GP6: variants seen among roughly 807,000 people sequenced by gnomAD.
GP6 encodes glycoprotein VI platelet.
A neutral mutation model predicts 37.3 loss-of-function variants in GP6; 45 were observed. The ratio of observed to expected loss-of-function variants is 1.21; its 90% CI spans 0.95 to 1.55. GP6 has a LOEUF of 1.55. GP6 is among the 40% of genes most tolerant of loss of function. GP6 has a pLI of 0.00. For missense variants in GP6, 813 were observed against 760.2 expected (o/e 1.07, Z -0.82); for synonymous variants, 340 against 316.4 (o/e 1.07, Z -0.79).
rs1019203799 is a variant in GP6, at chr19:55,032,376, G to A, written c.88C>T (p.Leu30Phe). ...ACCAGGGAGCTGGGCAGAGCCTGGA[G>A]GGAGGGCTTGGGGAGCGGTCCTGGA... Residue 30 changes from leucine to phenylalanine, a missense_variant, in exon 3 of 8, where the codon CTC becomes TTC. Transcript: ENST00000310373. 3 of 1,613,434 alleles carry A rather than the reference G, an allele frequency of 1.9e-6. No individual in the cohort carries two copies. In the East Asian group the frequency reaches 6.7e-5, roughly 36 times the overall value.
chr19:55,032,345 AG>A lies in GP6; in HGVS notation c.118del (p.Leu40TrpfsTer5). On this transcript the variant is annotated frameshift_variant, in exon 3 of 8. Coordinates refer to ENST00000310373, the MANE Select transcript of GP6 (RefSeq NM_001083899.2). LOFTEE classifies it high-confidence loss of function. The stretch of plus-strand genomic sequence containing the variant: ...GCACCGGAGGGTCACTGGCTTCTCC[AG>A]GGGCACCAGGGAGCTGGGCAGAGCC... The A allele has an allele frequency of 1.2e-6, 2 of 1,613,870 alleles. No homozygotes were observed. The highest frequency in any genetic ancestry group is 1.7e-6 in the Non-Finnish European group (2 of 1,179,900).
chr19:55,031,290 G>A (rs949908732), intron 3 of GP6, among the ~76,000 whole-genome samples: 1 of 152,158 alleles, frequency 6.6e-6, no homozygotes, highest in African/African-American at 2.4e-5. Flanking sequence ...AGAATCCCGA[G>A]CCAAGCACGG....
intron 1 of GP6, among the ~76,000 whole-genome samples, chr19:55,037,548 G>A (rs1447696465): frequency 6.6e-6 from 1 of 150,836 alleles, no homozygotes; most frequent in Non-Finnish European, 1.5e-5. Flanking sequence ...TGTTGGTCAG[G>A]CTGGTCTCAA....
At chr19:55,024,358 A>AGATG (rs1568613593) in intron 5 of GP6, among the ~76,000 whole-genome samples, 1 of 76,292 alleles carries the variant, frequency 1.3e-5, no homozygotes, top group East Asian at 7.8e-4. Flanking sequence ...GCACGCACAC[A>AGATG]CACATATGCA....
intron 5 of GP6, among the ~76,000 whole-genome samples, chr19:55,024,530 C>T (rs1240920486): frequency 4.6e-5 from 7 of 152,176 alleles, no homozygotes; most frequent in South Asian, 4.1e-4. Flanking sequence ...ATGTTAGACA[C>T]GCCCAGCCTC....
intron 3 of GP6, 40 bp downstream of exon 3, chr19:55,032,099 A>C (rs747344218): frequency 6.2e-6 from 10 of 1,603,956 alleles, no homozygotes; most frequent in South Asian, 2.2e-5. Flanking sequence ...TCCTGAACGG[A>C]GGACCACGCA....
At chr19:55,034,699 C>T (rs1275734847) in intron 1 of GP6, among the ~76,000 whole-genome samples, 1 of 141,214 alleles carries the variant, frequency 7.1e-6, no homozygotes, top group Non-Finnish European at 1.5e-5. Flanking sequence ...AGTGTTTTAT[C>T]TGGTAACCCT....
chr19:55,030,341 C>CCTCTT (rs201631059), intron 3 of GP6, among the ~76,000 whole-genome samples: 3,829 of 143,234 alleles, frequency 0.027, 161 homozygotes, highest in African/African-American at 0.092. Context: ...CATAGTAAGA[C>CCTCTT]CTCTTCTCTT....
At chr19:55,034,427 G>A (rs975829852) in intron 1 of GP6, among the ~76,000 whole-genome samples, 3 of 151,912 alleles carry the variant, frequency 2.0e-5, no homozygotes, top group Non-Finnish European at 2.9e-5. Context: ...ATGGTGGCAC[G>A]TGCCTGTAAT....
At chr19:55,020,798 C>T (rs2146747073) in intron 5 of GP6, among the ~76,000 whole-genome samples, 1 of 152,168 alleles carries the variant, frequency 6.6e-6, no homozygotes, top group East Asian at 1.9e-4. Context: ...CACATGTAAT[C>T]CCAGCACTTT....
rs377522937 is a variant in GP6, at chr19:55,014,840, C to T, written c.1105G>A (p.Val369Met). The change falls in exon 8 of 8, where the codon GTG becomes ATG. Residue 369 changes from valine (V) to methionine (M), a missense_variant. Val to Met is a conservative substitution (Grantham distance 21). Transcript: ENST00000310373. ...TGTAGCCTCTGCCCTCCTGCTTCCA[C>T]GCTCCACACACGCCAGTCTTTGAGT... 24 of 1,613,924 alleles carry T rather than the reference C, an allele frequency of 1.5e-5. No homozygotes were observed. The Admixed American group carries it at 2.0e-4, about 13-fold the overall frequency.
chr19:55,027,740 C>T lies in GP6; in HGVS notation c.448G>A (p.Asp150Asn), dbSNP rs1171755793. ...TCGGGATTCTTGTAGGGCGCAGGGT[C>T]CCCTTCCTTGTACAGAGCAAATTGG... Residue 150 changes from aspartate to asparagine, a missense_variant, in exon 4 of 8, where the codon GAC becomes AAC. Asp to Asn is a conservative substitution (Grantham distance 23, BLOSUM62 1). Coordinates refer to ENST00000310373, the MANE Select transcript of GP6 (RefSeq NM_001083899.2). 6.2e-7 allele frequency: 1 copy of T among 1,613,884 alleles called. No homozygotes were observed. Among genetic ancestry groups the T allele is most frequent in the Non-Finnish European group, 8.5e-7 (1 of 1,179,750 alleles).
chr19:55,021,085 G>A (rs2074061651), intron 5 of GP6, among the ~76,000 whole-genome samples: 1 of 149,414 alleles, frequency 6.7e-6, no homozygotes, highest in Non-Finnish European at 1.5e-5. Flanking sequence ...TGGCCCTGGT[G>A]CGGTGGCTCA....
chr19:55,021,764 C>T (rs948294814), intron 5 of GP6, among the ~76,000 whole-genome samples: 1 of 152,110 alleles, frequency 6.6e-6, no homozygotes, highest in African/African-American at 2.4e-5. Flanking sequence ...TTGTGATCTG[C>T]CTGCCTCGGC....
chr19:55,016,306 G>T (rs1235134197), intron 6 of GP6, among the ~76,000 whole-genome samples: 1 of 151,184 alleles, frequency 6.6e-6, no homozygotes, highest in Non-Finnish European at 1.5e-5. Context: ...TGATGTGAAA[G>T]TCAAGATAAT....
intron 5 of GP6, among the ~76,000 whole-genome samples, chr19:55,022,876 A>G (rs2074132597): frequency 6.6e-6 from 1 of 152,236 alleles, no homozygotes; most frequent in African/African-American, 2.4e-5. Context: ...AAACAAATGG[A>G]AAAACATTCC....
intron 6 of GP6, 90 bp downstream of exon 6, chr19:55,018,562 G>A (rs372482669): frequency 2.4e-6 from 2 of 825,598 alleles, no homozygotes; most frequent in Non-Finnish European, 4.4e-6. Context: ...GTTCGGTGAA[G>A]TGATTAAAAG....
chr19:55,036,795 GAAGT>G (rs1437332319), intron 1 of GP6, among the ~76,000 whole-genome samples: 2 of 152,208 alleles, frequency 1.3e-5, no homozygotes, highest in East Asian at 3.9e-4. Flanking sequence ...GGTGGAACCT[GAAGT>G]AAGGAGCTTG....
intron 5 of GP6, among the ~76,000 whole-genome samples, chr19:55,024,282 A>ACATATGCACG (rs1555798759): frequency 1.3e-4 from 9 of 70,746 alleles, no homozygotes; most frequent in African/African-American, 4.0e-4. Flanking sequence ...GCATGCACAC[A>ACATATGCACG]CACACATATG....
Sources: allele counts gnomAD v4.1 joint callset (sites outside exome capture counted in the v4.1 genomes callset), GRCh38; gene constraint gnomAD v4.1.1; transcripts MANE v1.5; gene names NCBI Gene and HGNC (gene_info 2026-07-23, HGNC 2026-07-21).